Variants in ACYP2 observed in about 807,000 individuals in gnomAD.
ACYP2 encodes acylphosphatase 2, also known as acylphosphatase-2.
Under a neutral mutation model 11.2 loss-of-function variants are expected in ACYP2, and 12 were observed. The ratio of observed to expected loss-of-function variants is 1.08; its 90% CI spans 0.69 to 1.74. The LOEUF is 1.74. Ranked by LOEUF, ACYP2 falls within the 40% of genes most tolerant of loss-of-function variation. The pLI, the probability that ACYP2 is intolerant of heterozygous loss-of-function variation, is 0.00. For missense variants in ACYP2, 134 were observed against 101.9 expected, an observed-to-expected ratio of 1.31 and a Z score of -1.35; for synonymous variants, 43 against 32.2, an observed-to-expected ratio of 1.33 and a Z score of -1.13.
chr2:54,056,908 CTTT>C (rs1166119264), intron 3 of ACYP2, among the ~76,000 whole-genome samples: 2 of 152,038 alleles, frequency 1.3e-5, no homozygotes, highest in African/African-American at 2.4e-5. Context: ...AAGACAAATG[CTTT>C]TTATTTCATT....
Position 54,165,515 on chromosome 2 carries a change from ACTCTCTCT to A in ACYP2, c.404+26781_404+26788del, listed in dbSNP as rs10575339. Among the ~76,000 whole-genome samples the A allele has an allele frequency of 8.5e-3, 1,111 of 131,340 alleles. 17 individuals carry two copies. The highest frequency in any genetic ancestry group is 0.028 in the African/African-American group (995 of 35,312). The allele number at this position is 131,340 out of a possible 152,430, so 86.2% of individuals were successfully genotyped here. A position where few individuals can be genotyped will look rare whatever the true frequency, so the allele number is the denominator to read the frequency against. On this transcript the variant is annotated intron_variant, in intron 6 of 6. Coordinates refer to ENST00000607452, the MANE Select transcript of ACYP2 (RefSeq NM_001320586.2). ...GTCTCTCTCTGTCTCTCTCTCTTTC[ACTCTCTCT>A]CTCTCTCTCTCTCACACACACACAC...
intron 2 of ACYP2, among the ~76,000 whole-genome samples, chr2:54,028,975 TAGTG>T (rs1310356644): frequency 6.6e-6 from 1 of 152,108 alleles, no homozygotes. Flanking sequence ...TTGGGTAAGA[TAGTG>T]AGACCTCATC....
intron 2 of ACYP2, among the ~76,000 whole-genome samples, chr2:54,013,304 TG>T (rs1473715912): frequency 1.4e-5 from 2 of 145,416 alleles, no homozygotes; most frequent in African/African-American, 5.4e-5. Flanking sequence ...TGTGTGTGTG[TG>T]TGTGTGTGTG....
At chr2:54,051,377 A>AAAG in intron 3 of ACYP2, 1 of 755,008 alleles carries the variant, frequency 1.3e-6, no homozygotes, top group Non-Finnish European at 2.4e-6. Flanking sequence ...GCTAAAGAGA[A>AAAG]AAGTGAAGAC....
intron 6 of ACYP2, among the ~76,000 whole-genome samples, chr2:54,270,457 A>AATTAGCCAGACATGGTGGCACACATC (rs1351156623): frequency 1.3e-5 from 2 of 152,184 alleles, no homozygotes; most frequent in African/African-American, 2.4e-5. Context: ...ATTAAAACAT[A>AATTAGCCAGACATGGTGGCACACATC]ATTAGCCAGA....
intron 6 of ACYP2, among the ~76,000 whole-genome samples, chr2:54,177,696 G>C (rs1409479325): frequency 6.6e-6 from 1 of 151,002 alleles, no homozygotes; most frequent in African/African-American, 2.4e-5. Context: ...TTGTGTCTCA[G>C]CCTCCCAAGT....
chr2:54,001,237 A>C (rs1346274444), intron 2 of ACYP2, among the ~76,000 whole-genome samples: 2 of 152,060 alleles, frequency 1.3e-5, no homozygotes, highest in Admixed American at 6.6e-5. Context: ...ACACTACCAT[A>C]GTAGTCCTAG....
chr2:54,302,309 C>T (rs745814951), intron 6 of ACYP2, among the ~76,000 whole-genome samples: 8 of 152,126 alleles, frequency 5.3e-5, no homozygotes, highest in Non-Finnish European at 1.0e-4. Flanking sequence ...AACACAATGG[C>T]CAGTTCTCAT....
chr2:54,255,354 A>C (rs1229594749), intron 6 of ACYP2: 18 of 1,614,140 alleles, frequency 1.1e-5, no homozygotes, highest in Non-Finnish European at 1.4e-5. Context: ...CTTGGCCTCT[A>C]ATCATGGCAG....
At chr2:54,012,912 T>A (rs1036627341) in intron 2 of ACYP2, among the ~76,000 whole-genome samples, 2 of 152,136 alleles carry the variant, frequency 1.3e-5, no homozygotes, top group African/African-American at 4.8e-5. Flanking sequence ...TGACCTGTCT[T>A]CTTCTCTGAT....
chr2:54,183,512 A>C (rs913136715), intron 6 of ACYP2, among the ~76,000 whole-genome samples: 4 of 152,002 alleles, frequency 2.6e-5, no homozygotes, highest in Non-Finnish European at 4.4e-5. Flanking sequence ...AGCCTGGGCG[A>C]CAGAGCGAGA....
At chr2:54,242,616 C>A (rs1297928974) in intron 6 of ACYP2, among the ~76,000 whole-genome samples, 5 of 152,198 alleles carry the variant, frequency 3.3e-5, no homozygotes, top group African/African-American at 1.2e-4. Context: ...AATATTTTTA[C>A]TATACCTTTT....
At chr2:54,249,012 A>C (rs1031158194) in intron 6 of ACYP2, among the ~76,000 whole-genome samples, 2 of 152,064 alleles carry the variant, frequency 1.3e-5, no homozygotes, top group African/African-American at 2.4e-5. Context: ...AGGAATAGTA[A>C]GGAGTTCCAT....
chr2:54,214,487 C>T (rs371508805), intron 6 of ACYP2, among the ~76,000 whole-genome samples: 6 of 152,152 alleles, frequency 3.9e-5, no homozygotes, highest in African/African-American at 1.2e-4. Flanking sequence ...CACCACTTAT[C>T]GAATAGGGAG....
chr2:54,229,597 C>G (rs1392180204), intron 6 of ACYP2, among the ~76,000 whole-genome samples: 2 of 152,016 alleles, frequency 1.3e-5, no homozygotes, highest in African/African-American at 4.8e-5. Flanking sequence ...TTTGCTAATT[C>G]CATCCTCTTT....
At chr2:54,173,671 G>A (rs571840786) in intron 6 of ACYP2, among the ~76,000 whole-genome samples, 6 of 152,180 alleles carry the variant, frequency 3.9e-5, no homozygotes, top group African/African-American at 1.4e-4. Flanking sequence ...TATGGTTTTA[G>A]GTCTAACATT....
intron 2 of ACYP2, among the ~76,000 whole-genome samples, chr2:54,022,175 C>G (rs10084374): frequency 6.6e-6 from 1 of 151,644 alleles, no homozygotes; most frequent in African/African-American, 2.4e-5. Flanking sequence ...CTCCTTCCCT[C>G]CTTCCCTTCT....
intron 2 of ACYP2, among the ~76,000 whole-genome samples, chr2:54,029,389 T>C (rs914606838): frequency 2.1e-4 from 22 of 105,674 alleles, no homozygotes; most frequent in Non-Finnish European, 3.6e-4. Context: ...ATTTTATTAC[T>C]TTTTTTTTCC....
chr2:53,978,240 T>G (rs1017373091), intron 2 of ACYP2, among the ~76,000 whole-genome samples: 1 of 147,610 alleles, frequency 6.8e-6, no homozygotes, highest in Non-Finnish European at 1.5e-5. Flanking sequence ...CCAGCCTGGG[T>G]GACAGAGTGA....
Sources: allele counts gnomAD v4.1 joint callset (sites outside exome capture counted in the v4.1 genomes callset), GRCh38; gene constraint gnomAD v4.1.1; transcripts MANE v1.5; gene names NCBI Gene and HGNC (gene_info 2026-07-23, HGNC 2026-07-21).